The following REV3L variants were observed in gnomAD, a reference collection of about 807,000 sequenced individuals.
The protein encoded by REV3L is REV3 like, DNA directed polymerase zeta catalytic subunit.
REV3L carries 69 observed loss-of-function variants against 299.4 expected under a neutral mutation model. The ratio of observed to expected loss-of-function variants is 0.23; its 90% CI spans 0.19 to 0.28. The LOEUF (loss-of-function observed/expected upper bound fraction) is 0.28, where lower values mean the gene tolerates loss of function less well. Ranked by LOEUF, REV3L falls within the 10% of genes least tolerant of loss-of-function variation. REV3L has a pLI of 1.00. For synonymous variants in REV3L, 1,238 were observed against 1,271.4 expected (o/e 0.97, Z 0.56); for missense variants, 3,128 against 3,693.8 (o/e 0.85, Z 3.97).
intron 1 of REV3L, among the ~76,000 whole-genome samples, chr6:111,434,492 G>T (rs565536656): frequency 2.6e-5 from 4 of 151,768 alleles, no homozygotes; most frequent in Non-Finnish European, 5.9e-5. Context: ...GCTGGCGGGC[G>T]CCTGTAGTCC....
chr6:111,446,397 A>G (rs1788838172), intron 1 of REV3L, among the ~76,000 whole-genome samples: 1 of 152,170 alleles, frequency 6.6e-6, no homozygotes, highest in African/African-American at 2.4e-5. Flanking sequence ...AAGTGACTTT[A>G]GTTATAAAAA....
intron 26 of REV3L, among the ~76,000 whole-genome samples, chr6:111,319,029 G>A (rs756278513): frequency 1.3e-5 from 2 of 151,988 alleles, no homozygotes; most frequent in African/African-American, 4.8e-5. Context: ...GATAAAAAGT[G>A]TTCTATATCT....
intron 1 of REV3L, among the ~76,000 whole-genome samples, chr6:111,468,556 G>A (rs1046368711): frequency 6.6e-6 from 1 of 152,120 alleles, no homozygotes. Flanking sequence ...TAAAAGGAAT[G>A]CAAATTAAAA....
intron 1 of REV3L, among the ~76,000 whole-genome samples, chr6:111,457,517 G>A (rs6935759): frequency 0.67 from 101,243 of 151,650 alleles, 36,075 homozygotes; most frequent in Non-Finnish European, 0.81. Flanking sequence ...ATAATCTGAA[G>A]GATCTCAAAT....
At chr6:111,454,119 T>A (rs537588220) in intron 1 of REV3L, among the ~76,000 whole-genome samples, 5,470 of 151,448 alleles carry the variant, frequency 0.036, 329 homozygotes, top group African/African-American at 0.13. Flanking sequence ...TTTTTTTTTT[T>A]AATAATAGAG....
Position 111,309,836 on chromosome 6 carries a change from C to G in REV3L, c.9042+17G>C. On this transcript the variant is annotated intron_variant, in intron 30 of 31. Transcript: ENST00000368802. ...TCTCTCCATAGTTAGAGCACATGTA[C>G]TATTTGGTAAGCTTACCCTTGGTAA... The G allele has an allele frequency of 6.2e-7, 1 of 1,610,274 alleles. No individual in the cohort carries two copies. The highest frequency in any genetic ancestry group is 1.1e-5 in the South Asian group (1 of 90,300).
chr6:111,419,916 C>T, intron 1 of REV3L, among the ~76,000 whole-genome samples: 1 of 151,952 alleles, frequency 6.6e-6, no homozygotes, highest in Admixed American at 6.6e-5. Context: ...GCGATCTCGG[C>T]TTGCTGCAAG....
At chr6:111,403,917 A>G (rs1662809079) in intron 4 of REV3L, among the ~76,000 whole-genome samples, 2 of 152,244 alleles carry the variant, frequency 1.3e-5, no homozygotes, top group South Asian at 4.1e-4. Flanking sequence ...TGGAACACAC[A>G]AACGATGAGA....
At chr6:111,430,254 A>C (rs945979305) in intron 1 of REV3L, 18 of 919,404 alleles carry the variant, frequency 2.0e-5, no homozygotes, top group Non-Finnish European at 3.3e-5. Flanking sequence ...GCTTTGAATC[A>C]ACTGGCGAGA....
Position 111,416,439 on chromosome 6 carries a change from A to G in REV3L, c.173T>C (p.Phe58Ser). The change falls in exon 2 of 32, where the codon TTT becomes TCT. Residue 58 changes from phenylalanine to serine, a missense_variant. Phe to Ser is a radical substitution (Grantham distance 155). This residue lies in a region of REV3L where 2,409 missense variants were observed against 2,611.8 expected (regional missense o/e 0.92). Transcript: ENST00000368802. ...ATCGTATGGCACATAGAGGTAAGGA[A>G]AGATGCCATGTAGATGAAGACATGT... ...QKTCLHLHGI[F>S]PYLYVPYDGY... The G allele has an allele frequency of 6.2e-7, 1 of 1,613,640 alleles. No individual in the cohort carries two copies. Among genetic ancestry groups the G allele is most frequent in the Non-Finnish European group, 8.5e-7 (1 of 1,179,710 alleles).
intron 14 of REV3L, 116 bp from the exon 15 acceptor site, chr6:111,365,460 A>G: frequency 2.2e-6 from 1 of 454,188 alleles, no homozygotes; most frequent in Non-Finnish European, 3.8e-6. Context: ...TGTCCTATGA[A>G]TTCCCCCCAG....
chr6:111,303,693 GACTATGACTTTTTTTTTTTTTTTTTTTT>G, intron 31 of REV3L, among the ~76,000 whole-genome samples: 2 of 15,260 alleles, frequency 1.3e-4, no homozygotes, highest in Non-Finnish European at 3.7e-4. Flanking sequence ...TTTTTTAACA[GACTATGACTTTTTTTTTTTTTTTTTTTT>G]TTTTTTTTTT....
intron 4 of REV3L, among the ~76,000 whole-genome samples, chr6:111,394,731 G>T (rs1782302478): frequency 6.7e-6 from 1 of 149,894 alleles, no homozygotes; most frequent in African/African-American, 2.4e-5. Flanking sequence ...TTTGAGACAG[G>T]GTCTCACTGT....
chr6:111,387,939 T>C (rs773790381), intron 8 of REV3L, 26 bp from the exon 9 acceptor site: 4 of 1,612,170 alleles, frequency 2.5e-6, no homozygotes, highest in Non-Finnish European at 3.4e-6. Context: ...ATATCCTTTA[T>C]AACAGACTAC....
chr6:111,368,164 G>A (rs1389284179), intron 13 of REV3L, 136 bp from the exon 14 acceptor site: 2 of 685,970 alleles, frequency 2.9e-6, no homozygotes, highest in African/African-American at 1.8e-5. Flanking sequence ...CCTCTATATT[G>A]TGCAGGTACA....
chr6:111,411,693 A>T (rs1324790896), intron 2 of REV3L, 139 bp from the exon 3 acceptor site: 1 of 628,544 alleles, frequency 1.6e-6, no homozygotes, highest in African/African-American at 1.8e-5. Flanking sequence ...AACAACTAAA[A>T]AATCCCAAAC....
chr6:111,365,251 T>C lies in REV3L; in HGVS notation c.6753+14A>G. ...GCTCTTCCACTGATCTTTAAAAATGTTTAGTATAGTTACCTTTGCTTGTGT... is the reference window on the plus strand; with the variant it reads ...GCTCTTCCACTGATCTTTAAAAATGCTTAGTATAGTTACCTTTGCTTGTGT... On this transcript the variant is annotated intron_variant, in intron 15 of 31. Transcript: ENST00000368802. 7.2e-7 allele frequency: 1 copy of C among 1,391,568 alleles called. No homozygotes were observed. Among genetic ancestry groups the C allele is most frequent in the Non-Finnish European group, 9.8e-7 (1 of 1,019,120 alleles). The allele number at this position is 1,391,568 out of a possible 1,614,324, so 86.2% of individuals were successfully genotyped here.
At chr6:111,365,236 TG>T in intron 15 of REV3L, 28 bp downstream of exon 15, 1 of 1,274,664 alleles carries the variant, frequency 7.8e-7, no homozygotes, top group Non-Finnish European at 1.1e-6. Context: ...GCTCTTCCAC[TG>T]ATCTTTAAAA....
intron 1 of REV3L, among the ~76,000 whole-genome samples, chr6:111,438,530 GATC>G (rs1787867399): frequency 6.7e-6 from 1 of 148,270 alleles, no homozygotes. Context: ...GAGGTAAAGT[GATC>G]ATTACCAAAA....
Sources: gnomAD v4.1 joint callset for allele counts (sites outside exome capture counted in the v4.1 genomes callset) on GRCh38, gnomAD v4.1.1 for gene constraint, gnomAD v4.1.1 regional missense constraint, MANE v1.5 for transcripts, NCBI Gene and HGNC (gene_info 2026-07-23, HGNC 2026-07-21) for gene names.